Variants in EML6 observed in about 807,000 individuals in gnomAD.
The protein encoded by EML6 is EMAP like 6.
In EML6, 154 loss-of-function variants were observed where a neutral mutation model predicts 240.1. That is an observed-to-expected ratio of 0.64 (90% confidence interval 0.56 to 0.73). EML6 has a LOEUF of 0.73. Ranked by LOEUF, EML6 falls within the 30% of genes least tolerant of loss-of-function variation. EML6 has a pLI of 0.00. For missense variants in EML6, 2,964 were observed against 2,474.6 expected (o/e 1.20, Z -4.20); for synonymous variants, 1,148 against 899.0 (o/e 1.28, Z -4.95).
At position 54,909,203 on chromosome 2, in the gene EML6, C is replaced by T. The variant is rs769112068; in HGVS notation, c.3410-1751C>T. 6.6e-5 allele frequency among the ~76,000 whole-genome samples: 10 copies of T among 152,304 alleles called. No individual in the cohort carries two copies. The East Asian group carries it at 1.2e-3, about 18-fold the overall frequency. The stretch of plus-strand genomic sequence containing the variant: ...AATGTGTTCACTGAATAACCGTCCA[C>T]GTGCTTTGTCATTTGCAATCACTCT... On this transcript the variant is annotated intron_variant, in intron 24 of 41. Coordinates refer to ENST00000356458, the MANE Select transcript of EML6 (RefSeq NM_001039753.4).
intron 26 of EML6, among the ~76,000 whole-genome samples, chr2:54,927,284 A>G (rs543866021): frequency 3.9e-5 from 6 of 152,294 alleles, no homozygotes; most frequent in African/African-American, 1.4e-4. Flanking sequence ...GGAGTATTAC[A>G]AAGTCACGAA....
intron 3 of EML6, among the ~76,000 whole-genome samples, chr2:54,813,938 C>T (rs1667970889): frequency 6.6e-6 from 1 of 152,212 alleles, no homozygotes; most frequent in African/African-American, 2.4e-5. Flanking sequence ...ACATCCTCTC[C>T]TTTCCATTCT....
intron 25 of EML6, among the ~76,000 whole-genome samples, chr2:54,913,352 A>G (rs1673743809): frequency 6.6e-6 from 1 of 151,226 alleles, no homozygotes; most frequent in South Asian, 2.1e-4. Context: ...GGCTTAGGTG[A>G]TCTTCCTGCC....
intron 2 of EML6, among the ~76,000 whole-genome samples, chr2:54,788,713 T>G (rs1308087240): frequency 6.6e-6 from 1 of 152,258 alleles, no homozygotes; most frequent in Non-Finnish European, 1.5e-5. Flanking sequence ...TCCTGTTGTT[T>G]TGGTGTGAAA....
intron 15 of EML6, 48 bp from the exon 16 acceptor site, chr2:54,871,452 G>C (rs1223217829): frequency 2.2e-6 from 3 of 1,394,292 alleles, no homozygotes; most frequent in South Asian, 2.5e-5. Flanking sequence ...CAAAATCATT[G>C]TTAGTATAAC....
intron 25 of EML6, among the ~76,000 whole-genome samples, chr2:54,914,669 T>A (rs1442790301): frequency 6.6e-6 from 1 of 152,180 alleles, no homozygotes. Context: ...TTGGCCAACT[T>A]CCCTAGTAGT....
Position 54,844,190 on chromosome 2 carries a change from C to G in EML6, c.991C>G (p.Leu331Val). ...CCACTGCGAGGGTGAGCTCTGGGCT[C>G]TGGCCCTGCACCCCAAGAAGCCTCT... ...QGHCEGELWA[L>V]ALHPKKPLAV... Residue 331 changes from leucine (L) to valine (V), a missense_variant, in exon 8 of 42, where the codon CTG (leucine) becomes GTG (valine). Physicochemically the swap from Leu to Val is conservative, Grantham distance 32 (BLOSUM62 1). Transcript: ENST00000356458. 8.4e-6 allele frequency: 13 copies of G among 1,551,708 alleles called. No individual in the cohort carries two copies. The highest frequency in any genetic ancestry group is 1.0e-5 in the Non-Finnish European group (12 of 1,146,988).
chr2:54,810,952 A>G (rs576547811), intron 2 of EML6, among the ~76,000 whole-genome samples: 2 of 152,294 alleles, frequency 1.3e-5, no homozygotes, highest in East Asian at 3.9e-4. Flanking sequence ...ACTTTACTGT[A>G]GCCAGGCTCT....
intron 17 of EML6, chr2:54,882,871 A>AAAAAAAAAAAAAAAAAAAAAAAAAAAAAC (rs962733331): frequency 7.8e-6 from 1 of 128,790 alleles, no homozygotes; most frequent in Admixed American, 8.3e-5. Context: ...AAAAAAAAAA[A>AAAAAAAAAAAAAAAAAAAAAAAAAAAAAC]AAAGAAAGCT....
In EML6 at chr2:54,788,567, A is replaced by T. The variant is rs375458019; in HGVS notation, c.198-24665A>T. Among the ~76,000 whole-genome samples, 59 of 152,352 alleles carry T rather than the reference A, an allele frequency of 3.9e-4. No homozygotes were observed. The East Asian group carries it at 9.1e-3, about 23-fold the overall frequency. ...GAATCGATAGCTACTCTCCAGAGAG[A>T]GACCTCAAGACCAAGTTAGAGGAAA... On this transcript the variant is annotated intron_variant, in intron 2 of 41. Coordinates refer to ENST00000356458, the MANE Select transcript of EML6 (RefSeq NM_001039753.4).
intron 2 of EML6, among the ~76,000 whole-genome samples, chr2:54,736,518 T>C (rs1558515337): frequency 1.3e-5 from 2 of 152,112 alleles, no homozygotes; most frequent in African/African-American, 4.8e-5. Context: ...AGTCATGAGG[T>C]TCTTAGTTGT....
intron 26 of EML6, among the ~76,000 whole-genome samples, chr2:54,924,436 C>G (rs556856560): frequency 1.3e-5 from 2 of 152,168 alleles, no homozygotes; most frequent in Admixed American, 6.5e-5. Flanking sequence ...TCTTTTCATT[C>G]TTGAGTTCTG....
intron 2 of EML6, among the ~76,000 whole-genome samples, chr2:54,783,317 T>A (rs983318222): frequency 6.6e-6 from 1 of 152,366 alleles, no homozygotes; most frequent in South Asian, 2.1e-4. Context: ...CTCTGTTATA[T>A]TGCAAGTAAA....
chr2:54,887,755 ATTTTATAT>A (rs1672230173), intron 17 of EML6, among the ~76,000 whole-genome samples: 1 of 151,936 alleles, frequency 6.6e-6, no homozygotes, highest in Non-Finnish European at 1.5e-5. Flanking sequence ...TTTTAAATAG[ATTTTATAT>A]TTTAGAGTGG....
At chr2:54,893,958 T>A (rs1406546465) in intron 19 of EML6, among the ~76,000 whole-genome samples, 1 of 152,214 alleles carries the variant, frequency 6.6e-6, no homozygotes, top group Non-Finnish European at 1.5e-5. Context: ...TGGTGTAACT[T>A]GTTTAAGCTC....
intron 35 of EML6, among the ~76,000 whole-genome samples, chr2:54,961,184 G>GTTGTTGTTTTTTTTTTTTTTTTTTTTTT: frequency 1.1e-4 from 6 of 55,424 alleles, no homozygotes; most frequent in African/African-American, 3.2e-4. Context: ...TCAGGAAGTA[G>GTTGTTGTTTTTTTTTTTTTTTTTTTTTT]TTTTTTTTTT....
Position 54,871,609 on chromosome 2 carries a change from A to AC in EML6, c.2344+4_2344+5insC. On this transcript the variant is annotated splice_donor_region_variant and intron_variant, in intron 16 of 41. Coordinates refer to ENST00000356458, the MANE Select transcript of EML6 (RefSeq NM_001039753.4). ...GTGTGTGCACTTGATTTTTCAGGTA[A>AC]GGTCCAGAGTGATTGACACATGGTT... The AC allele has an allele frequency of 6.5e-7, 1 of 1,541,502 alleles. No homozygotes were observed. Among genetic ancestry groups the AC allele is most frequent in the Non-Finnish European group, 8.8e-7 (1 of 1,137,676 alleles).
chr2:54,784,121 T>A (rs988952860), intron 2 of EML6, among the ~76,000 whole-genome samples: 4 of 152,138 alleles, frequency 2.6e-5, no homozygotes, highest in African/African-American at 9.7e-5. Context: ...TTATTTATTT[T>A]TTTTGTAGAG....
Position 54,887,927 on chromosome 2 carries a change from C to T in EML6, c.2439-3127C>T, listed in dbSNP as rs562409832. ...CCTACCTTGACATATCATTATCACC[C>T]GAAGTCCGCAGTTTATATTAGCATT... is the stretch of plus-strand genomic sequence containing the variant. On this transcript the variant is annotated intron_variant, in intron 17 of 41. Coordinates refer to ENST00000356458, the MANE Select transcript of EML6 (RefSeq NM_001039753.4). Among the ~76,000 whole-genome samples the T allele has an allele frequency of 7.9e-5, 12 of 152,256 alleles. No homozygotes were observed. In the South Asian group the frequency reaches 1.2e-3, roughly 16 times the overall value.
Sources: gnomAD v4.1 joint callset for allele counts (sites outside exome capture counted in the v4.1 genomes callset) on GRCh38, gnomAD v4.1.1 for gene constraint, MANE v1.5 for transcripts, NCBI Gene and HGNC (gene_info 2026-07-23, HGNC 2026-07-21) for gene names.